SCUBE1: variants seen among roughly 807,000 people sequenced by gnomAD.
SCUBE1 encodes the protein signal peptide, CUB and EGF-like domain-containing protein 1.
In SCUBE1, 59 loss-of-function variants were observed where a neutral mutation model predicts 124.4. That is an observed-to-expected ratio of 0.47 (90% confidence interval 0.38 to 0.59). SCUBE1 has a LOEUF of 0.59. Ranked by LOEUF, SCUBE1 falls within the 20% of genes least tolerant of loss-of-function variation. The probability of loss-of-function intolerance (pLI) is 0.00; values close to 1 mark genes in which losing one functional copy is unlikely to be tolerated. For missense variants in SCUBE1, 1,150 were observed against 1,371.2 expected (o/e 0.84, Z 2.55); for synonymous variants, 545 against 550.9 (o/e 0.99, Z 0.15).
chr22:43,230,638 G>A (rs1186264247), intron 8 of SCUBE1, among the ~76,000 whole-genome samples: 2 of 152,212 alleles, frequency 1.3e-5, no homozygotes, highest in African/African-American at 4.8e-5. Flanking sequence ...GATAGGGCCT[G>A]GACAGACACT....
intron 15 of SCUBE1, 106 bp downstream of exon 15, chr22:43,218,149 C>A: frequency 9.4e-7 from 1 of 1,066,100 alleles, no homozygotes; most frequent in Non-Finnish European, 1.4e-6. Context: ...TCTCTCTGTC[C>A]CCTCCCCAGG....
chr22:43,337,085 C>T (rs1023237140), intron 2 of SCUBE1, among the ~76,000 whole-genome samples: 21 of 152,074 alleles, frequency 1.4e-4, no homozygotes, highest in Admixed American at 2.0e-4. Flanking sequence ...TGGCAGTTCC[C>T]GAAGCACATT....
chr22:43,300,695 G>A (rs1426156579), intron 3 of SCUBE1, among the ~76,000 whole-genome samples: 5 of 152,110 alleles, frequency 3.3e-5, no homozygotes, highest in African/African-American at 1.2e-4. Context: ...CTCCTTTCAA[G>A]CAGCCTCAGG....
rs1921335048 is a variant in SCUBE1 at position 43,207,424 on chromosome 22, C to G, written c.2814+110G>C. 4.8e-6 allele frequency: 4 copies of G among 825,050 alleles called. No homozygotes were observed. In the South Asian group the frequency reaches 5.7e-5, roughly 12 times the overall value. The allele number at this position is 825,050 out of a possible 1,614,324, so 51.1% of individuals were successfully genotyped here. A position where few individuals can be genotyped will look rare whatever the true frequency, so the allele number is the denominator to read the frequency against. On this transcript the variant is annotated intron_variant, in intron 21 of 21. Coordinates refer to ENST00000360835, the MANE Select transcript of SCUBE1 (RefSeq NM_173050.5). ...GCCTCCTGCTCCTCTCCCATCACCA[C>G]CCACCCTCCCTTGCTCCTCCAGGGG... is the stretch of plus-strand genomic sequence containing the variant.
chr22:43,341,865 T>G, intron 1 of SCUBE1, among the ~76,000 whole-genome samples: 1 of 149,458 alleles, frequency 6.7e-6, no homozygotes, highest in Non-Finnish European at 1.5e-5. Flanking sequence ...GGAGACAGAG[T>G]CAGATACAGA....
intron 3 of SCUBE1, among the ~76,000 whole-genome samples, chr22:43,301,668 C>A (rs1273476379): frequency 2.0e-5 from 3 of 152,314 alleles, no homozygotes; most frequent in East Asian, 3.9e-4. Context: ...ACGCCCCCAC[C>A]CACCTGGAAT....
intron 6 of SCUBE1, among the ~76,000 whole-genome samples, chr22:43,239,180 T>C (rs903683377): frequency 6.6e-6 from 1 of 152,200 alleles, no homozygotes; most frequent in Admixed American, 6.5e-5. Context: ...TGGGGTTGCA[T>C]GTGGTGAGGG....
intron 20 of SCUBE1, 103 bp downstream of exon 20, chr22:43,207,968 GC>G: frequency 7.7e-7 from 1 of 1,296,820 alleles, no homozygotes; most frequent in Non-Finnish European, 1.1e-6. Flanking sequence ...GTCTGTACCT[GC>G]CAGGTCGCAG....
At chr22:43,292,458 T>C (rs1411657893) in intron 3 of SCUBE1, among the ~76,000 whole-genome samples, 1 of 152,054 alleles carries the variant, frequency 6.6e-6, no homozygotes, top group Non-Finnish European at 1.5e-5. Context: ...TCTTAAACCT[T>C]AATGTTCCAT....
chr22:43,199,804 A>T lies in SCUBE1; in HGVS notation c.*4193T>A, dbSNP rs1285447947. The T allele has an allele frequency of 6.4e-6, 1 of 155,226 alleles. No individual in the cohort carries two copies. The highest frequency in any genetic ancestry group is 1.4e-5 in the Non-Finnish European group (1 of 69,936). 9.6% of individuals were successfully genotyped at this position (155,226 alleles called of 1,614,324 possible). A position where few individuals can be genotyped will look rare whatever the true frequency, so the allele number is the denominator to read the frequency against. ...GTGGCTGTGAGGCTCTGGCGCGGGG[A>T]AAGATGGGGAGAGGCTCTGGCATGG... On this transcript the variant is annotated 3_prime_UTR_variant, in exon 22 of 22. Coordinates refer to ENST00000360835, the MANE Select transcript of SCUBE1 (RefSeq NM_173050.5).
intron 2 of SCUBE1, among the ~76,000 whole-genome samples, chr22:43,320,267 C>G (rs76605808): frequency 0.039 from 5,905 of 152,294 alleles, 133 homozygotes; most frequent in African/African-American, 0.048. Flanking sequence ...CCACAGTGAA[C>G]AGGCAAGATT....
chr22:43,304,371 T>C (rs926705117), intron 3 of SCUBE1, among the ~76,000 whole-genome samples: 3 of 152,232 alleles, frequency 2.0e-5, no homozygotes, highest in Non-Finnish European at 2.9e-5. Flanking sequence ...GGCCAAGGCC[T>C]GCCCTCAGGG....
intron 4 of SCUBE1, among the ~76,000 whole-genome samples, chr22:43,263,419 A>G (rs967324373): frequency 8.5e-5 from 13 of 152,216 alleles, no homozygotes; most frequent in Non-Finnish European, 1.5e-4. Flanking sequence ...AAGGCAGATG[A>G]AAGGGAAGCG....
chr22:43,209,559 G>T (rs998139834), intron 19 of SCUBE1, among the ~76,000 whole-genome samples: 1 of 152,234 alleles, frequency 6.6e-6, no homozygotes, highest in Non-Finnish European at 1.5e-5. Flanking sequence ...TGAGCCAGGA[G>T]TCCAGGGCTC....
At chr22:43,278,297 G>A (rs1172568138) in intron 4 of SCUBE1, among the ~76,000 whole-genome samples, 1 of 152,224 alleles carries the variant, frequency 6.6e-6, no homozygotes, top group Non-Finnish European at 1.5e-5. Flanking sequence ...AACCCCACAT[G>A]TCCTGCCTGG....
intron 4 of SCUBE1, among the ~76,000 whole-genome samples, chr22:43,288,976 C>T (rs779223822): frequency 2.6e-5 from 4 of 152,248 alleles, no homozygotes; most frequent in African/African-American, 4.8e-5. Flanking sequence ...CAGATGCTTA[C>T]AGGCCAAACC....
chr22:43,307,562 G>A (rs139434560), intron 3 of SCUBE1, among the ~76,000 whole-genome samples: 1 of 152,118 alleles, frequency 6.6e-6, no homozygotes, highest in Admixed American at 6.5e-5. Flanking sequence ...GCCAGGTCAC[G>A]GGATGCTGGA....
At chr22:43,278,164 G>A (rs923912331) in intron 4 of SCUBE1, among the ~76,000 whole-genome samples, 8 of 152,372 alleles carry the variant, frequency 5.3e-5, no homozygotes, top group East Asian at 1.9e-4. Context: ...GGGCCATTCC[G>A]GACCGCACAG....
chr22:43,294,181 C>T (rs1384778353), intron 3 of SCUBE1, among the ~76,000 whole-genome samples: 6 of 152,358 alleles, frequency 3.9e-5, no homozygotes, highest in South Asian at 2.1e-4. Flanking sequence ...TTTCCCACTG[C>T]GGTCCAAACA....
Sources: gnomAD v4.1 joint callset for allele counts (sites outside exome capture counted in the v4.1 genomes callset) on GRCh38, gnomAD v4.1.1 for gene constraint, MANE v1.5 for transcripts, NCBI Gene and HGNC (gene_info 2026-07-23, HGNC 2026-07-21) for gene names.